Variants in PKP4 observed in about 807,000 individuals in gnomAD.
PKP4 encodes plakophilin 4.
In PKP4, 90 loss-of-function variants were observed where a neutral mutation model predicts 145.1. That is an observed-to-expected ratio of 0.62 (90% CI 0.52 to 0.74). The LOEUF (loss-of-function observed/expected upper bound fraction) is 0.74, where lower values mean the gene tolerates loss of function less well. PKP4 is among the 30% of genes least tolerant of loss of function. PKP4 has a pLI of 0.00. For synonymous variants in PKP4, 563 were observed against 577.2 expected, an observed-to-expected ratio of 0.98 and a Z score of 0.35; for missense variants, 1,340 against 1,482.7, an observed-to-expected ratio of 0.90 and a Z score of 1.58.
At chr2:158,674,400 AAGTGAATTTTTTTAAGTTTTCTT>A (rs1327199099) in intron 19 of PKP4, among the ~76,000 whole-genome samples, 1 of 152,154 alleles carries the variant, frequency 6.6e-6, no homozygotes, top group African/African-American at 2.4e-5. Context: ...ATCTCCTCCA[AAGTGAATTTTTTTAAGTTTTCTT>A]AGTGAAACCT....
At chr2:158,621,462 C>T (rs1368550703) in intron 6 of PKP4, 41 bp downstream of exon 6, 2 of 1,554,638 alleles carry the variant, frequency 1.3e-6, no homozygotes, top group Non-Finnish European at 1.8e-6. Flanking sequence ...GAAATACCTT[C>T]CGGCCGGGCA....
intron 1 of PKP4, among the ~76,000 whole-genome samples, chr2:158,526,061 A>G (rs2042902296): frequency 1.3e-5 from 2 of 151,818 alleles, no homozygotes; most frequent in African/African-American, 4.8e-5. Flanking sequence ...AGATACAAGG[A>G]GGAACTGGTA....
intron 7 of PKP4, among the ~76,000 whole-genome samples, chr2:158,626,056 G>A (rs1001512451): frequency 6.6e-6 from 1 of 151,962 alleles, no homozygotes; most frequent in Non-Finnish European, 1.5e-5. Context: ...TAAAGATTTG[G>A]TTATTTTAAA....
chr2:158,500,565 A>G (rs1440318569), intron 1 of PKP4, among the ~76,000 whole-genome samples: 1 of 152,226 alleles, frequency 6.6e-6, no homozygotes, highest in African/African-American at 2.4e-5. Flanking sequence ...AAGCCTGCAG[A>G]TGGCAATGGC....
At chr2:158,469,879 G>C (rs1691275077) in intron 1 of PKP4, among the ~76,000 whole-genome samples, 1 of 152,210 alleles carries the variant, frequency 6.6e-6, no homozygotes, top group Admixed American at 6.5e-5. Flanking sequence ...AGGTTTTTCT[G>C]TGATTACCTG....
chr2:158,613,283 G>T (rs1240305139), intron 4 of PKP4, among the ~76,000 whole-genome samples: 1 of 152,098 alleles, frequency 6.6e-6, no homozygotes, highest in Non-Finnish European at 1.5e-5. Context: ...AATTTATCCT[G>T]CCTGTCCTGT....
intron 1 of PKP4, among the ~76,000 whole-genome samples, chr2:158,512,138 T>A (rs532233036): frequency 6.6e-6 from 1 of 152,368 alleles, no homozygotes; most frequent in African/African-American, 2.4e-5. Flanking sequence ...AGGCAGGCTT[T>A]ATTTTAAAAT....
chr2:158,643,062 CTT>C (rs1350143340), intron 11 of PKP4, among the ~76,000 whole-genome samples: 1 of 152,118 alleles, frequency 6.6e-6, no homozygotes, highest in Non-Finnish European at 1.5e-5. Flanking sequence ...GATTGGCAGT[CTT>C]TTACGTTAGC....
intron 3 of PKP4, among the ~76,000 whole-genome samples, chr2:158,584,695 G>A (rs900349970): frequency 6.6e-6 from 1 of 152,120 alleles, no homozygotes; most frequent in African/African-American, 2.4e-5. Flanking sequence ...AGGATTAAAA[G>A]TATATAGTTA....
intron 11 of PKP4, among the ~76,000 whole-genome samples, chr2:158,654,607 C>G (rs1419029767): frequency 6.6e-6 from 1 of 152,112 alleles, no homozygotes; most frequent in South Asian, 2.1e-4. Flanking sequence ...CTCCTATCCC[C>G]GTAACTAAGA....
At position 158,640,816 on chromosome 2, in the gene PKP4, C is replaced by T. The variant is rs150131628; in HGVS notation, c.1695+57C>T. On this transcript the variant is annotated intron_variant, in intron 10 of 21. Transcript: ENST00000389759. ...AAAATAATGCCTTTGCATTTAACAGCCACGTGCTTCTGTATTTAAGAAATT... is the reference window on the plus strand; with the variant it reads ...AAAATAATGCCTTTGCATTTAACAGTCACGTGCTTCTGTATTTAAGAAATT... 1.2e-3 allele frequency: 1,839 copies of T among 1,573,778 alleles called. 24 individuals are homozygous for T. The Admixed American group carries it at 0.025, about 21-fold the overall frequency.
intron 17 of PKP4, 36 bp downstream of exon 17, chr2:158,669,951 T>C (rs765066137): frequency 1.3e-6 from 2 of 1,525,428 alleles, no homozygotes; most frequent in Non-Finnish European, 1.8e-6. Flanking sequence ...GCAGTGCTCT[T>C]ATTCCTGAGA....
At chr2:158,523,192 A>C (rs890552981) in intron 1 of PKP4, among the ~76,000 whole-genome samples, 4 of 147,328 alleles carry the variant, frequency 2.7e-5, no homozygotes, top group African/African-American at 9.8e-5. Context: ...ACAGACAAAC[A>C]AAAAGACAGC....
chr2:158,621,375 A>G lies in PKP4; in HGVS notation c.557A>G (p.Asn186Ser), dbSNP rs1471740466. The change falls in exon 6 of 22, where the codon AAC (asparagine) becomes AGC (serine). Residue 186 changes from asparagine to serine, a missense_variant. By Grantham distance (46) the Asn-to-Ser change is conservative. Coordinates refer to ENST00000389759, the MANE Select transcript of PKP4 (RefSeq NM_003628.6). ...QQHSFIGSTN[N>S]HVVRNSRAEG... ...CATTCATTCATAGGATCAACTAACA[A>G]CCATGTGGTGAGGAATTCAAGAGCT... 20 of 1,614,006 alleles carry G rather than the reference A, an allele frequency of 1.2e-5. No homozygotes were observed. Among genetic ancestry groups the G allele is most frequent in the Non-Finnish European group, 1.7e-5 (20 of 1,180,000 alleles).
chr2:158,463,427 AAG>A (rs1690092374), intron 1 of PKP4, among the ~76,000 whole-genome samples: 1 of 152,082 alleles, frequency 6.6e-6, no homozygotes, highest in Non-Finnish European at 1.5e-5. Flanking sequence ...AAAAAAAAAA[AAG>A]GATATTTGAA....
At chr2:158,459,634 C>A (rs1282254644) in intron 1 of PKP4, among the ~76,000 whole-genome samples, 1 of 152,150 alleles carries the variant, frequency 6.6e-6, no homozygotes, top group African/African-American at 2.4e-5. Context: ...TAAATGCCAA[C>A]AGGAAACTTT....
intron 3 of PKP4, among the ~76,000 whole-genome samples, chr2:158,579,094 T>C (rs1261116794): frequency 6.6e-6 from 1 of 152,218 alleles, no homozygotes; most frequent in Non-Finnish European, 1.5e-5. Context: ...TTCTATCATA[T>C]GTGGGTTTGG....
chr2:158,649,219 C>T (rs367877546), intron 11 of PKP4, among the ~76,000 whole-genome samples: 1 of 152,040 alleles, frequency 6.6e-6, no homozygotes, highest in Non-Finnish European at 1.5e-5. Context: ...GATTAGAAAC[C>T]GAAGTCCAGG....
chr2:158,647,223 G>A (rs1388231957), intron 11 of PKP4, among the ~76,000 whole-genome samples: 4 of 152,110 alleles, frequency 2.6e-5, no homozygotes, highest in African/African-American at 4.8e-5. Context: ...AGCCTTGCAC[G>A]GTGCTTGGCC....
Sources: gnomAD v4.1 joint callset for allele counts (sites outside exome capture counted in the v4.1 genomes callset) on GRCh38, gnomAD v4.1.1 for gene constraint, MANE v1.5 for transcripts, NCBI Gene and HGNC (gene_info 2026-07-23, HGNC 2026-07-21) for gene names.